The following CDH13 variants were observed in gnomAD, a reference collection of about 807,000 sequenced individuals.
CDH13 encodes cadherin 13, also known as cadherin-13.
CDH13 carries 24 observed loss-of-function variants against 63.8 expected under a neutral mutation model. The observed-to-expected ratio is 0.38, with a 90% CI of 0.27 to 0.53. The LOEUF (loss-of-function observed/expected upper bound fraction) is 0.53, where lower values mean the gene tolerates loss of function less well. Ranked by LOEUF, CDH13 falls within the 20% of genes least tolerant of loss-of-function variation. The pLI, the probability that CDH13 is intolerant of heterozygous loss-of-function variation, is 0.85. For synonymous variants in CDH13, 503 were observed against 355.3 expected (o/e 1.42, Z -4.67); for missense variants, 1,049 against 903.1 (o/e 1.16, Z -2.07).
chr16:83,056,453 C>G (rs1272331037), intron 3 of CDH13, among the ~76,000 whole-genome samples: 1 of 150,168 alleles, frequency 6.7e-6, no homozygotes, highest in Non-Finnish European at 1.5e-5. Context: ...ATGTATATAC[C>G]AAATACATAG....
chr16:83,413,422 A>G (rs11149567), intron 6 of CDH13, among the ~76,000 whole-genome samples: 24,837 of 152,152 alleles, frequency 0.16, 2,171 homozygotes, highest in African/African-American at 0.2. Context: ...ATCATGATAA[A>G]ACCGAGCGAC....
At chr16:82,969,831 G>T (rs1221733369) in intron 2 of CDH13, among the ~76,000 whole-genome samples, 1 of 152,096 alleles carries the variant, frequency 6.6e-6, no homozygotes, top group Non-Finnish European at 1.5e-5. Flanking sequence ...AAACAAGATG[G>T]CTAGCAAACT....
At chr16:83,695,918 G>T (rs975323853) in intron 10 of CDH13, among the ~76,000 whole-genome samples, 11 of 150,698 alleles carry the variant, frequency 7.3e-5, no homozygotes, top group Admixed American at 1.3e-4. Context: ...TTGAGACTGG[G>T]TCTGTCTGTC....
At chr16:83,131,182 A>ACACCC (rs2036031184) in intron 4 of CDH13, among the ~76,000 whole-genome samples, 1 of 86,348 alleles carries the variant, frequency 1.2e-5, no homozygotes, top group Non-Finnish European at 1.9e-5. Flanking sequence ...GGGGTGTATG[A>ACACCC]CCCCCCCCCC....
intron 8 of CDH13, among the ~76,000 whole-genome samples, chr16:83,644,429 G>A (rs573894919): frequency 1.3e-4 from 20 of 152,306 alleles, no homozygotes; most frequent in African/African-American, 4.8e-4. Flanking sequence ...CAATAAAAAT[G>A]CTTGAATGTA....
intron 6 of CDH13, among the ~76,000 whole-genome samples, chr16:83,347,740 G>A (rs1183736860): frequency 3.3e-5 from 5 of 152,222 alleles, no homozygotes; most frequent in Admixed American, 6.5e-5. Flanking sequence ...TCAAAATTTG[G>A]TGAATGGTTG....
intron 1 of CDH13, among the ~76,000 whole-genome samples, chr16:82,721,139 A>G (rs1393562234): frequency 2.0e-5 from 3 of 152,218 alleles, no homozygotes; most frequent in Admixed American, 1.3e-4. Context: ...TGATTTAACA[A>G]ACATTCATTG....
intron 2 of CDH13, among the ~76,000 whole-genome samples, chr16:82,939,481 G>C (rs975992950): frequency 2.0e-5 from 3 of 150,804 alleles, no homozygotes; most frequent in Non-Finnish European, 3.0e-5. Context: ...GAGGGAGGGA[G>C]GGAGGGAGGG....
chr16:83,472,223 G>C (rs2073472866), intron 6 of CDH13, among the ~76,000 whole-genome samples: 1 of 152,304 alleles, frequency 6.6e-6, no homozygotes, highest in South Asian at 2.1e-4. Flanking sequence ...TTCAGTGGCA[G>C]AGCTGGGACT....
intron 2 of CDH13, among the ~76,000 whole-genome samples, chr16:83,012,651 A>T (rs1402466351): frequency 1.3e-5 from 2 of 152,126 alleles, no homozygotes; most frequent in Non-Finnish European, 2.9e-5. Flanking sequence ...ACAGTTTTGC[A>T]CCCGAACTTG....
At chr16:82,762,022 C>T (rs541987740) in intron 1 of CDH13, among the ~76,000 whole-genome samples, 1 of 152,294 alleles carries the variant, frequency 6.6e-6, no homozygotes, top group East Asian at 1.9e-4. Flanking sequence ...GAAAGCCTTG[C>T]TGAATTTTTT....
chr16:83,529,136 G>A (rs1300512843), intron 7 of CDH13, among the ~76,000 whole-genome samples: 1 of 144,724 alleles, frequency 6.9e-6, no homozygotes, highest in Admixed American at 7.0e-5. Context: ...AGGCGAGCTT[G>A]CTTCTTCAGG....
At chr16:83,305,307 A>G (rs1427856429) in intron 5 of CDH13, among the ~76,000 whole-genome samples, 3 of 152,190 alleles carry the variant, frequency 2.0e-5, no homozygotes, top group East Asian at 1.9e-4. Context: ...TCCTTAACAT[A>G]TTTATCAACA....
Position 82,650,356 on chromosome 16 carries a change from C to T in CDH13, c.45+23219C>T, listed in dbSNP as rs369514399. ...GCAAGGTAGTGAGGACTTGGAGGAC[C>T]TGGAGAAGGCAGATGAGATCCATCA... On this transcript the variant is annotated intron_variant, in intron 1 of 13. Transcript: ENST00000567109. Among the ~76,000 whole-genome samples the T allele has an allele frequency of 7.2e-5, 11 of 152,138 alleles. No individual in the cohort carries two copies. The East Asian group carries it at 1.2e-3, about 16-fold the overall frequency.
chr16:83,081,112 G>A lies in CDH13; in HGVS notation c.367-44273G>A, dbSNP rs576001425. On this transcript the variant is annotated intron_variant, in intron 3 of 13. Coordinates refer to ENST00000567109, the MANE Select transcript of CDH13 (RefSeq NM_001257.5). ...GTCAGGCTGGTCTCGAACTCCCGAC[G>A]TCAGGTGATCTGCCCACCTCAGCCT... Among the ~76,000 whole-genome samples the A allele has an allele frequency of 1.4e-4, 22 of 151,736 alleles. No homozygotes were observed. The East Asian group carries it at 2.3e-3, about 16-fold the overall frequency.
At chr16:82,761,488 T>C (rs969824419) in intron 1 of CDH13, among the ~76,000 whole-genome samples, 20 of 152,190 alleles carry the variant, frequency 1.3e-4, no homozygotes, top group African/African-American at 4.1e-4. Context: ...TTAGCTTTCA[T>C]GTTCTTTCTA....
At chr16:82,642,234 G>A (rs1909496934) in intron 1 of CDH13, among the ~76,000 whole-genome samples, 1 of 151,948 alleles carries the variant, frequency 6.6e-6, no homozygotes, top group South Asian at 2.1e-4. Context: ...TATTGTTGTT[G>A]ACACACAATA....
At chr16:83,455,202 G>C (rs560549735) in intron 6 of CDH13, among the ~76,000 whole-genome samples, 2 of 152,192 alleles carry the variant, frequency 1.3e-5, no homozygotes, top group African/African-American at 4.8e-5. Context: ...TCAGAGGGTG[G>C]ATTTTTCATC....
intron 1 of CDH13, among the ~76,000 whole-genome samples, chr16:82,833,523 T>A (rs1369743059): frequency 6.6e-6 from 1 of 152,260 alleles, no homozygotes; most frequent in East Asian, 1.9e-4. Context: ...ATGCTGAGTT[T>A]GCAAAGCATG....
Sources: allele counts gnomAD v4.1 joint callset (sites outside exome capture counted in the v4.1 genomes callset), GRCh38; gene constraint gnomAD v4.1.1; transcripts MANE v1.5; gene names NCBI Gene and HGNC (gene_info 2026-07-23, HGNC 2026-07-21).